The following CLVS1 variants were observed in gnomAD, a reference collection of about 807,000 sequenced individuals.
CLVS1 encodes clavesin 1, also known as clavesin-1.
In CLVS1, 10 loss-of-function variants were observed where a neutral mutation model predicts 33.1. The ratio of observed to expected loss-of-function variants is 0.30; its 90% CI spans 0.19 to 0.51. The LOEUF is 0.51. CLVS1 is among the 20% of genes least tolerant of loss of function. The pLI is 0.97. For missense variants in CLVS1, 343 were observed against 433.4 expected (o/e 0.79, Z 1.85); for synonymous variants, 163 against 166.1 (o/e 0.98, Z 0.14).
At chr8:61,336,171 A>T (rs1340856014) in intron 2 of CLVS1, among the ~76,000 whole-genome samples, 1 of 152,142 alleles carries the variant, frequency 6.6e-6, no homozygotes, top group Non-Finnish European at 1.5e-5. Context: ...CGCCATTCAA[A>T]TTTCCTTCAG....
chr8:61,402,005 C>G (rs975249150), intron 3 of CLVS1, among the ~76,000 whole-genome samples: 19 of 152,038 alleles, frequency 1.2e-4, no homozygotes, highest in Admixed American at 1.2e-3. Flanking sequence ...GAGTAAATTT[C>G]TTATAGGCAA....
intron 5 of CLVS1, among the ~76,000 whole-genome samples, chr8:61,490,622 C>A (rs1393551074): frequency 2.7e-5 from 4 of 146,646 alleles, no homozygotes; most frequent in African/African-American, 1.0e-4. Context: ...CACACCACTG[C>A]ACTCCAGCCT....
chr8:61,308,215 C>T (rs1197968607), intron 2 of CLVS1, among the ~76,000 whole-genome samples: 1 of 152,176 alleles, frequency 6.6e-6, no homozygotes. Context: ...TTGGCAGTTT[C>T]AGTATCACTA....
chr8:61,313,583 T>C (rs1293753842), intron 2 of CLVS1, among the ~76,000 whole-genome samples: 1 of 152,156 alleles, frequency 6.6e-6, no homozygotes, highest in East Asian at 1.9e-4. Flanking sequence ...CCTTACACTT[T>C]CTCGTGCTTC....
chr8:61,448,238 T>A (rs1283024870), intron 3 of CLVS1, among the ~76,000 whole-genome samples: 2 of 152,126 alleles, frequency 1.3e-5, no homozygotes, highest in African/African-American at 4.8e-5. Context: ...TTTGAGTTCA[T>A]ACTGTTTGGT....
chr8:61,293,970 T>G (rs1307627428), intron 1 of CLVS1, among the ~76,000 whole-genome samples: 1 of 152,190 alleles, frequency 6.6e-6, no homozygotes, highest in Non-Finnish European at 1.5e-5. Context: ...CATGCAAATT[T>G]GAAGTGTTGT....
chr8:61,474,034 C>T (rs1461031116), intron 5 of CLVS1, among the ~76,000 whole-genome samples: 3 of 152,060 alleles, frequency 2.0e-5, no homozygotes, highest in African/African-American at 7.2e-5. Context: ...GAGGCAAATG[C>T]AAGCCATGGG....
intron 2 of CLVS1, among the ~76,000 whole-genome samples, chr8:61,282,158 T>C (rs1199053528): frequency 6.6e-6 from 1 of 152,176 alleles, no homozygotes; most frequent in Admixed American, 6.5e-5. Flanking sequence ...TGATAATGAC[T>C]AAATAAACCA....
Position 61,458,503 on chromosome 8 carries a change from C to T in CLVS1, c.938C>T (p.Ser313Leu), listed in dbSNP as rs1167308857. Residue 313 changes from serine (S) to leucine (L), a missense_variant, in exon 5 of 6, where the codon TCG (serine) becomes TTG (leucine). This residue lies in a region of CLVS1 where 86 missense variants were observed against 95.0 expected (regional missense o/e 0.91). Coordinates refer to ENST00000325897, the MANE Select transcript of CLVS1 (RefSeq NM_173519.3). ...YNAMHVKHTS[S>L]NLERECSPKL... ...GCAATGCACGTGAAGCATACGTCCT[C>T]GAATCTGGAGAGAGAATGCTCACCC... is the stretch of plus-strand genomic sequence containing the variant. 1.9e-5 allele frequency: 30 copies of T among 1,612,750 alleles called. No homozygotes were observed. The East Asian group carries it at 5.4e-4, about 29-fold the overall frequency.
chr8:61,332,114 A>G (rs1405668945), intron 2 of CLVS1, among the ~76,000 whole-genome samples: 2 of 152,170 alleles, frequency 1.3e-5, no homozygotes, highest in East Asian at 1.9e-4. Flanking sequence ...AGTACCCCCA[A>G]TCTCTTAACT....
In CLVS1 at chr8:61,247,595, T is replaced by C. The variant is rs186609182; in HGVS notation, c.-151-52082T>C. Reference sequence around the variant, plus strand: ...TATTCTTCTTGGCCACATGTATGTCTTCTTTTGAGAAGTGTCTGTTCATGT... The same window carrying C: ...TATTCTTCTTGGCCACATGTATGTCCTCTTTTGAGAAGTGTCTGTTCATGT... On this transcript the variant is annotated intron_variant, in intron 2 of 2. Transcript: ENST00000522621. 1.1e-3 allele frequency among the ~76,000 whole-genome samples: 171 copies of C among 152,362 alleles called. 1 individual carries two copies. Among genetic ancestry groups the C allele is most frequent in the South Asian group, 5.4e-3 (26 of 4,834 alleles).
intron 1 of CLVS1, among the ~76,000 whole-genome samples, chr8:61,108,245 A>T: frequency 6.6e-6 from 1 of 152,128 alleles, no homozygotes; most frequent in Non-Finnish European, 1.5e-5. Context: ...CCATAAAAAA[A>T]AAATCTCTGC....
At chr8:61,489,885 C>T (rs1234829111) in intron 5 of CLVS1, among the ~76,000 whole-genome samples, 1 of 152,196 alleles carries the variant, frequency 6.6e-6, no homozygotes, top group Non-Finnish European at 1.5e-5. Flanking sequence ...CTACTCTCTG[C>T]AGCAGGAAAT....
At position 61,074,386 on chromosome 8, in the gene CLVS1, G is replaced by A. The variant is rs59104522; in HGVS notation, c.-243+17156G>A. Among the ~76,000 whole-genome samples, 64 of 50,110 alleles carry A rather than the reference G, an allele frequency of 1.3e-3. 3 individuals are homozygous for A. The African/African-American group carries it at 0.015, about 12-fold the overall frequency. 32.9% of individuals were successfully genotyped at this position (50,110 alleles called of 152,430 possible). On this transcript the variant is annotated intron_variant, in intron 1 of 2. Transcript: ENST00000522621. The stretch of plus-strand genomic sequence containing the variant: ...TATATATATATATATAAGTATATGT[G>A]TATATATATATGTTATATATATATA...
intron 3 of CLVS1, among the ~76,000 whole-genome samples, chr8:61,442,626 G>A (rs1364217107): frequency 1.3e-5 from 2 of 151,994 alleles, no homozygotes; most frequent in Non-Finnish European, 2.9e-5. Flanking sequence ...TTGAGATGGA[G>A]TCTTGTTCTG....
At chr8:61,095,374 C>T (rs968168681) in intron 1 of CLVS1, among the ~76,000 whole-genome samples, 4 of 152,190 alleles carry the variant, frequency 2.6e-5, no homozygotes, top group Non-Finnish European at 1.5e-5. Context: ...GCAGGGCTGG[C>T]AGTCTCTCAA....
chr8:61,002,327 G>GTTTTTTTTTTTTTTTTTTTTTTTTTTTTT, the CLVS1 span, among the ~76,000 whole-genome samples: 1 of 98,820 alleles, frequency 1.0e-5, no homozygotes, highest in Non-Finnish European at 1.9e-5. Flanking sequence ...ATGCTTGCTT[G>GTTTTTTTTTTTTTTTTTTTTTTTTTTTTT]TTTTTTTTTT....
At chr8:61,068,866 C>T (rs1029349926) in intron 1 of CLVS1, among the ~76,000 whole-genome samples, 2 of 152,178 alleles carry the variant, frequency 1.3e-5, no homozygotes. Flanking sequence ...GCCCCCTCTG[C>T]CTAGGAAGGG....
At chr8:61,177,083 G>A (rs1807127289) in intron 2 of CLVS1, among the ~76,000 whole-genome samples, 2 of 152,116 alleles carry the variant, frequency 1.3e-5, no homozygotes, top group Admixed American at 1.3e-4. Flanking sequence ...GAGGGGGCGG[G>A]GCGGGGGGGC....
Sources: allele counts gnomAD v4.1 joint callset (sites outside exome capture counted in the v4.1 genomes callset), GRCh38; gene constraint gnomAD v4.1.1; regional missense constraint gnomAD v4.1.1; transcripts MANE v1.5; gene names NCBI Gene and HGNC (gene_info 2026-07-23, HGNC 2026-07-21).